The following CLSTN2 variants were observed in gnomAD, a reference collection of about 807,000 sequenced individuals.
CLSTN2 encodes the protein calsyntenin 2, also known as calsyntenin-2.
Under a neutral mutation model 101.2 loss-of-function variants are expected in CLSTN2, and 48 were observed. The ratio of observed to expected loss-of-function variants is 0.47; its 90% CI spans 0.38 to 0.60. CLSTN2 has a LOEUF of 0.60. Among genes scored for constraint, CLSTN2 ranks in the 20% least tolerant of loss-of-function variants. The probability of loss-of-function intolerance (pLI) is 0.00; values close to 1 mark genes in which losing one functional copy is unlikely to be tolerated. For synonymous variants in CLSTN2, 481 were observed against 463.6 expected (o/e 1.04, Z -0.48); for missense variants, 1,160 against 1,238.2 (o/e 0.94, Z 0.95).
At chr3:140,449,747 C>A (rs970603456) in intron 6 of CLSTN2, 4 of 152,182 alleles carry the variant, frequency 2.6e-5, no homozygotes, top group Non-Finnish European at 5.9e-5. Flanking sequence ...GCTGGTCTGG[C>A]TGCAAAGGGA....
chr3:140,307,411 G>C (rs980548745), intron 2 of CLSTN2, among the ~76,000 whole-genome samples: 1 of 152,122 alleles, frequency 6.6e-6, no homozygotes, highest in African/African-American at 2.4e-5. Context: ...TGGCAGAGCA[G>C]GGCATTGACT....
chr3:140,132,962 T>C (rs1165973634), intron 1 of CLSTN2, among the ~76,000 whole-genome samples: 1 of 152,192 alleles, frequency 6.6e-6, no homozygotes, highest in Non-Finnish European at 1.5e-5. Context: ...TCATAGAATG[T>C]TTGCTAAAAA....
At chr3:140,432,568 G>A (rs188521535) in intron 5 of CLSTN2, among the ~76,000 whole-genome samples, 68 of 152,300 alleles carry the variant, frequency 4.5e-4, no homozygotes, top group Admixed American at 2.8e-3. Context: ...GCACTTCTCC[G>A]TGAATAACGA....
chr3:140,518,550 A>G (rs1008668708), intron 8 of CLSTN2, among the ~76,000 whole-genome samples: 2 of 152,162 alleles, frequency 1.3e-5, no homozygotes, highest in Non-Finnish European at 1.5e-5. Context: ...GGTAAGGTCA[A>G]ATCCTTCTCT....
At chr3:140,086,945 C>A (rs1412385981) in intron 1 of CLSTN2, among the ~76,000 whole-genome samples, 1 of 152,130 alleles carries the variant, frequency 6.6e-6, no homozygotes, top group African/African-American at 2.4e-5. Flanking sequence ...CTATGATAGT[C>A]CCCACTTTAC....
intron 1 of CLSTN2, among the ~76,000 whole-genome samples, chr3:140,115,064 G>A (rs2009218726): frequency 6.6e-6 from 1 of 152,140 alleles, no homozygotes; most frequent in African/African-American, 2.4e-5. Flanking sequence ...TTGTTTCTAG[G>A]TGATTATGTG....
chr3:140,269,699 T>G (rs2086724793), intron 2 of CLSTN2, among the ~76,000 whole-genome samples: 1 of 152,144 alleles, frequency 6.6e-6, no homozygotes, highest in South Asian at 2.1e-4. Flanking sequence ...TATAGGAAGT[T>G]ATAGGAAGTT....
chr3:140,547,185 T>C (rs1459336051), intron 10 of CLSTN2, among the ~76,000 whole-genome samples: 1 of 152,266 alleles, frequency 6.6e-6, no homozygotes, highest in East Asian at 1.9e-4. Context: ...ACAAGAAACA[T>C]GGGCTGCGCA....
chr3:140,517,863 G>C (rs932862701), intron 8 of CLSTN2, among the ~76,000 whole-genome samples: 6 of 152,164 alleles, frequency 3.9e-5, no homozygotes, highest in Admixed American at 2.6e-4. Flanking sequence ...AGGATCAGGT[G>C]GTGGGTGAGG....
At chr3:140,506,992 T>C (rs957279795) in intron 8 of CLSTN2, 4 of 152,200 alleles carry the variant, frequency 2.6e-5, no homozygotes, top group African/African-American at 9.7e-5. Context: ...GTCTTGAATA[T>C]GTGAGGGACC....
At chr3:140,058,214 G>C (rs2008134779) in intron 1 of CLSTN2, among the ~76,000 whole-genome samples, 1 of 152,206 alleles carries the variant, frequency 6.6e-6, no homozygotes, top group African/African-American at 2.4e-5. Context: ...AAATCAGGTA[G>C]GTGGAAATAA....
chr3:140,479,704 T>C (rs142050733), intron 8 of CLSTN2, among the ~76,000 whole-genome samples: 236 of 152,242 alleles, frequency 1.6e-3, no homozygotes, highest in African/African-American at 5.6e-3. Context: ...AGTGAAAATA[T>C]GGATTTCGCA....
intron 11 of CLSTN2, 182 bp downstream of exon 11, chr3:140,556,843 A>T (rs1327399646): frequency 1.7e-6 from 1 of 600,758 alleles, no homozygotes; most frequent in East Asian, 2.9e-5. Flanking sequence ...CCTAAGCAAG[A>T]TGTTCTGTTG....
chr3:140,099,683 T>G (rs918412436), intron 1 of CLSTN2, among the ~76,000 whole-genome samples: 2 of 152,016 alleles, frequency 1.3e-5, no homozygotes, highest in African/African-American at 2.4e-5. Flanking sequence ...CAAGACAGAG[T>G]GAGAAGCTAT....
At chr3:140,464,444 A>G (rs76824284) in intron 7 of CLSTN2, among the ~76,000 whole-genome samples, 6,286 of 152,368 alleles carry the variant, frequency 0.041, 206 homozygotes, top group South Asian at 0.14. Context: ...GAAAGATTCA[A>G]TGAAGAATTC....
At chr3:140,255,544 G>A (rs4683817) in intron 2 of CLSTN2, among the ~76,000 whole-genome samples, 123,732 of 152,132 alleles carry the variant, frequency 0.81, 53,856 homozygotes, top group East Asian at 0.96. Context: ...ATAAGTGGGA[G>A]CTAAGTATTG....
chr3:140,361,667 A>AT (rs1396341264), intron 2 of CLSTN2, among the ~76,000 whole-genome samples: 2 of 152,204 alleles, frequency 1.3e-5, no homozygotes, highest in Non-Finnish European at 1.5e-5. Context: ...AAGCAGTTAT[A>AT]TTAATATTTT....
At chr3:140,280,719 A>C (rs1379083177) in intron 2 of CLSTN2, among the ~76,000 whole-genome samples, 1 of 152,152 alleles carries the variant, frequency 6.6e-6, no homozygotes, top group Non-Finnish European at 1.5e-5. Flanking sequence ...TGTACACTTC[A>C]CTTGCAATTA....
chr3:140,559,541 T>C (rs1044568075), intron 12 of CLSTN2, among the ~76,000 whole-genome samples: 2 of 119,538 alleles, frequency 1.7e-5, no homozygotes, highest in African/African-American at 3.4e-5. Flanking sequence ...AGCTATAGTA[T>C]ATGCTGGTGG....
Sources: gnomAD v4.1 joint callset for allele counts (sites outside exome capture counted in the v4.1 genomes callset) on GRCh38, gnomAD v4.1.1 for gene constraint, MANE v1.5 for transcripts, NCBI Gene and HGNC (gene_info 2026-07-23, HGNC 2026-07-21) for gene names.